CACNA1D: variants seen among roughly 807,000 people sequenced by gnomAD.
CACNA1D encodes the protein calcium voltage-gated channel subunit alpha1 D.
Under a neutral mutation model 257.1 loss-of-function variants are expected in CACNA1D, and 55 were observed. The ratio of observed to expected loss-of-function variants is 0.21; its 90% CI spans 0.17 to 0.27. The LOEUF is 0.27. Among genes scored for constraint, CACNA1D ranks in the 10% least tolerant of loss-of-function variants. The probability of loss-of-function intolerance (pLI) is 1.00; values close to 1 mark genes in which losing one functional copy is unlikely to be tolerated. For missense variants in CACNA1D, 1,876 were observed against 2,784.0 expected (o/e 0.67, Z 7.34); for synonymous variants, 980 against 1,014.9 (o/e 0.97, Z 0.65).
rs1258051359 is a variant in CACNA1D, at chr3:53,776,614, G to C, written c.4374G>C (p.Leu1458=). The change falls in exon 36 of 48, where the codon CTG becomes CTC. Residue 1458 remains leucine (L), a synonymous_variant. Coordinates refer to ENST00000350061, the MANE Select transcript of CACNA1D (RefSeq NM_001128840.3). ...ATTTGCTTTTTCAGATCATCAATCT[G>C]TTTGTGGCTGTCATCATGGATAATT... ...YMLCAFLIIN[L]FVAVIMDNFD... 8.7e-6 allele frequency: 14 copies of C among 1,614,076 alleles called. No individual in the cohort carries two copies. The highest frequency in any genetic ancestry group is 1.2e-5 in the Non-Finnish European group (14 of 1,180,038).
At chr3:53,739,814 C>T (rs991641335) in intron 20 of CACNA1D, among the ~76,000 whole-genome samples, 30 of 152,312 alleles carry the variant, frequency 2.0e-4, no homozygotes, top group African/African-American at 7.2e-4. Flanking sequence ...GCTACTGGCT[C>T]CGACAGATGC....
At chr3:53,744,881 T>C (rs2095152757) in intron 23 of CACNA1D, 54 bp downstream of exon 23, 1 of 960,512 alleles carries the variant, frequency 1.0e-6, no homozygotes, top group African/African-American at 1.6e-5. Flanking sequence ...TTGGCTGTAA[T>C]TACTGGCTCT....
intron 25 of CACNA1D, 110 bp from the exon 26 acceptor site, chr3:53,747,192 G>A: frequency 1.2e-6 from 1 of 801,622 alleles, no homozygotes; most frequent in East Asian, 2.6e-5. Context: ...CAGGCGGGCG[G>A]ACTGAGTGTG....
chr3:53,634,075 G>A (rs2108139947), intron 3 of CACNA1D, among the ~76,000 whole-genome samples: 1 of 152,310 alleles, frequency 6.6e-6, no homozygotes, highest in Non-Finnish European at 1.5e-5. Context: ...TGATATGAGT[G>A]TGCCTCAATT....
intron 37 of CACNA1D, among the ~76,000 whole-genome samples, chr3:53,778,983 T>G (rs2095412235): frequency 6.6e-6 from 1 of 152,202 alleles, no homozygotes; most frequent in African/African-American, 2.4e-5. Context: ...TTTACTTCCT[T>G]TAACCCTCAC....
intron 19 of CACNA1D, among the ~76,000 whole-genome samples, chr3:53,733,922 G>A (rs999433169): frequency 1.2e-5 from 1 of 85,698 alleles, no homozygotes; most frequent in African/African-American, 4.2e-5. Context: ...TTGTGTGTGT[G>A]TGTGTGTTTG....
At chr3:53,595,682 C>A (rs2093361316) in intron 3 of CACNA1D, among the ~76,000 whole-genome samples, 2 of 152,136 alleles carry the variant, frequency 1.3e-5, no homozygotes, top group South Asian at 4.1e-4. Flanking sequence ...TGACACCTGC[C>A]TGACCTAACT....
intron 3 of CACNA1D, among the ~76,000 whole-genome samples, chr3:53,613,711 G>A (rs1166422884): frequency 1.3e-5 from 2 of 151,858 alleles, no homozygotes; most frequent in African/African-American, 4.8e-5. Context: ...CCCACTAAAC[G>A]CTCCTGCAGA....
At chr3:53,548,481 C>T (rs1032724449) in intron 3 of CACNA1D, among the ~76,000 whole-genome samples, 1 of 151,784 alleles carries the variant, frequency 6.6e-6, no homozygotes, top group Non-Finnish European at 1.5e-5. Flanking sequence ...ACATTCTCTC[C>T]ATCATGCCGG....
At position 53,810,023 on chromosome 3, in the gene CACNA1D, TCAC is replaced by T. The variant is rs1455789802; in HGVS notation, c.5919_5921del (p.Pro1974del). The T allele has an allele frequency of 1.2e-6, 2 of 1,613,794 alleles. No homozygotes were observed. Among genetic ancestry groups the T allele is most frequent in the African/African-American group, 2.7e-5 (2 of 74,878 alleles). On this transcript the variant is annotated inframe_deletion, in exon 47 of 48. Transcript: ENST00000350061. ...AGATTCAAGTAAAGCCCAGAAGTAC[TCAC>T]CGAGTCACTCGACCCGGTCGTGGGC... is the stretch of plus-strand genomic sequence containing the variant.
intron 14 of CACNA1D, among the ~76,000 whole-genome samples, chr3:53,725,465 A>G (rs143070757): frequency 6.6e-6 from 1 of 152,202 alleles, no homozygotes; most frequent in East Asian, 1.9e-4. Context: ...CTGTGGGATA[A>G]ACTCCCAGAG....
At chr3:53,786,765 T>C in intron 39 of CACNA1D, 57 bp from the exon 40 acceptor site, 1 of 1,543,258 alleles carries the variant, frequency 6.5e-7, no homozygotes, top group Non-Finnish European at 8.9e-7. Context: ...AGCAAGTGTT[T>C]AGGCTCTTGG....
At chr3:53,513,100 C>T (rs1318714780) in intron 3 of CACNA1D, among the ~76,000 whole-genome samples, 97 of 152,192 alleles carry the variant, frequency 6.4e-4, no homozygotes, top group Non-Finnish European at 7.3e-5. Context: ...TTAGCTTGCC[C>T]TGTCTTTCTG....
chr3:53,745,778 G>T, intron 24 of CACNA1D, 45 bp from the exon 25 acceptor site: 1 of 1,605,376 alleles, frequency 6.2e-7, no homozygotes, highest in Non-Finnish European at 8.5e-7. Context: ...ATTTCTTTAA[G>T]GAGAAGCCTG....
intron 3 of CACNA1D, among the ~76,000 whole-genome samples, chr3:53,642,453 C>T (rs1040160385): frequency 1.3e-5 from 2 of 152,244 alleles, no homozygotes; most frequent in Non-Finnish European, 2.9e-5. Context: ...GGGATGAGAG[C>T]AGGAATGGAG....
intron 44 of CACNA1D, among the ~76,000 whole-genome samples, chr3:53,804,526 T>C (rs1489159277): frequency 1.3e-5 from 2 of 152,220 alleles, no homozygotes; most frequent in Non-Finnish European, 2.9e-5. Flanking sequence ...ACGAACCGCA[T>C]GAGTTCCTCT....
At chr3:53,780,316 T>C (rs185350961) in intron 38 of CACNA1D, among the ~76,000 whole-genome samples, 188 bp downstream of exon 38, 4 of 152,340 alleles carry the variant, frequency 2.6e-5, no homozygotes, top group East Asian at 3.9e-4. Flanking sequence ...TCATCCTTTA[T>C]CTCCTTCCTT....
rs1331443645 is a variant in CACNA1D, at chr3:53,732,974, C to T, written c.2621+12C>T. On this transcript the variant is annotated intron_variant, in intron 19 of 47. Transcript: ENST00000350061. ...AGCAAGACCAACCCGTAAATACTCC[C>T]CTTCTAGTCTCTCACGGCTGCCTCT... 3.7e-6 allele frequency: 6 copies of T among 1,613,650 alleles called. No individual in the cohort carries two copies. Among genetic ancestry groups the T allele is most frequent in the Middle Eastern group, 1.6e-4 (1 of 6,078 alleles).
At position 53,497,324 on chromosome 3, in the gene CACNA1D, C is replaced by G. The variant is rs1559750645; in HGVS notation, c.240C>G (p.Leu80=). 3.7e-6 allele frequency: 6 copies of G among 1,614,038 alleles called. No individual in the cohort carries two copies. In the East Asian group the frequency reaches 1.3e-4, roughly 36 times the overall value. Residue 80 remains leucine (L), a synonymous_variant, in exon 2 of 48, where the codon CTC becomes CTG. Coordinates refer to ENST00000350061, the MANE Select transcript of CACNA1D (RefSeq NM_001128840.3). The part of the protein sequence containing the change: ...STSAPPPVGS[L]SQRKRQQYAK... ...CTGCACCCCCACCTGTAGGATCTCT[C>G]TCCCAAAGAAAACGTCAGCAATACG...
Sources: allele counts gnomAD v4.1 joint callset (sites outside exome capture counted in the v4.1 genomes callset), GRCh38; gene constraint gnomAD v4.1.1; transcripts MANE v1.5; gene names NCBI Gene and HGNC (gene_info 2026-07-23, HGNC 2026-07-21).